The following RBMS3 variants were observed in gnomAD, a reference collection of about 807,000 sequenced individuals.
The protein encoded by RBMS3 is RNA binding motif single stranded interacting protein 3.
A neutral mutation model predicts 66.8 loss-of-function variants in RBMS3; 27 were observed. That is an observed-to-expected ratio of 0.40 (90% CI 0.30 to 0.56). RBMS3 has a LOEUF of 0.56. Among genes scored for constraint, RBMS3 ranks in the 20% least tolerant of loss-of-function variants. The pLI is 0.40. For missense variants in RBMS3, 513 were observed against 549.5 expected (o/e 0.93, Z 0.66); for synonymous variants, 188 against 183.0 (o/e 1.03, Z -0.22).
intron 6 of RBMS3, among the ~76,000 whole-genome samples, chr3:29,824,108 C>A (rs1350321010): frequency 6.6e-6 from 1 of 151,126 alleles, no homozygotes; most frequent in Non-Finnish European, 1.5e-5. Context: ...TGTTTATGTC[C>A]CCCCACCCCC....
chr3:29,554,851 A>G (rs2046292561), intron 3 of RBMS3, among the ~76,000 whole-genome samples: 2 of 152,176 alleles, frequency 1.3e-5, no homozygotes, highest in African/African-American at 4.8e-5. Context: ...CCTCCATACT[A>G]TAAAGAGTTT....
At chr3:29,285,712 A>G (rs1457737009) in intron 1 of RBMS3, among the ~76,000 whole-genome samples, 1 of 152,170 alleles carries the variant, frequency 6.6e-6, no homozygotes, top group Non-Finnish European at 1.5e-5. Flanking sequence ...CGTTGATTTC[A>G]GGCTGAATAT....
chr3:29,680,281 G>C lies in RBMS3; in HGVS notation c.400-59439G>C, dbSNP rs555030352. On this transcript the variant is annotated intron_variant, in intron 4 of 14. Coordinates refer to ENST00000383767, the MANE Select transcript of RBMS3 (RefSeq NM_001003793.3). ...CAAACATGTTTTTATACTTGCATTT[G>C]AGTGATGTTTTGCCTAACAGAAGTG... Among the ~76,000 whole-genome samples, 368 of 152,274 alleles carry C rather than the reference G, an allele frequency of 2.4e-3. 1 individual carries two copies. Among genetic ancestry groups the C allele is most frequent in the African/African-American group, 8.7e-3 (362 of 41,564 alleles).
intron 12 of RBMS3, among the ~76,000 whole-genome samples, chr3:29,965,833 T>C (rs918775158): frequency 1.3e-5 from 2 of 152,196 alleles, no homozygotes; most frequent in African/African-American, 2.4e-5. Flanking sequence ...GTTTTTCCAA[T>C]ATTCTTCCAG....
At chr3:29,994,713 C>T (rs1248949845) in intron 14 of RBMS3, among the ~76,000 whole-genome samples, 13 of 152,172 alleles carry the variant, frequency 8.5e-5, no homozygotes, top group African/African-American at 9.7e-5. Context: ...GCTGAGGATC[C>T]TCTCTGTTAG....
chr3:29,968,873 C>T (rs909004571), intron 12 of RBMS3, among the ~76,000 whole-genome samples: 1 of 152,120 alleles, frequency 6.6e-6, no homozygotes, highest in African/African-American at 2.4e-5. Flanking sequence ...CACCATGATA[C>T]CTGAATGCGT....
chr3:29,782,613 A>C (rs1057476723), intron 6 of RBMS3, among the ~76,000 whole-genome samples: 2 of 152,220 alleles, frequency 1.3e-5, no homozygotes, highest in African/African-American at 4.8e-5. Flanking sequence ...GTAATATGAC[A>C]AAACAAGCTT....
chr3:29,733,364 T>G (rs1296978837), intron 4 of RBMS3, among the ~76,000 whole-genome samples: 4 of 126,196 alleles, frequency 3.2e-5, no homozygotes, highest in Non-Finnish European at 5.1e-5. Context: ...ATATAGTTAT[T>G]TCCTTTTTTT....
intron 14 of RBMS3, among the ~76,000 whole-genome samples, chr3:29,993,295 A>C (rs1419058505): frequency 1.3e-5 from 2 of 149,106 alleles, no homozygotes; most frequent in Non-Finnish European, 2.9e-5. Context: ...CAGTCCAAGC[A>C]TATTGAAATT....
intron 1 of RBMS3, among the ~76,000 whole-genome samples, chr3:29,322,229 A>T (rs1300879959): frequency 6.6e-6 from 1 of 151,938 alleles, no homozygotes; most frequent in Non-Finnish European, 1.5e-5. Flanking sequence ...CTGTATCCCC[A>T]TGAAAAGCCA....
chr3:29,515,893 T>C (rs763731205), intron 3 of RBMS3, among the ~76,000 whole-genome samples: 13 of 152,240 alleles, frequency 8.5e-5, no homozygotes, highest in Non-Finnish European at 1.9e-4. Flanking sequence ...TGGTCGTGGG[T>C]TCTTAATACC....
chr3:29,575,247 G>A (rs1201841722), intron 3 of RBMS3, among the ~76,000 whole-genome samples: 1 of 151,666 alleles, frequency 6.6e-6, no homozygotes, highest in Non-Finnish European at 1.5e-5. Flanking sequence ...CACACTTGAA[G>A]GATATCTTTG....
intron 6 of RBMS3, among the ~76,000 whole-genome samples, chr3:29,772,477 T>C (rs536074165): frequency 6.6e-6 from 1 of 152,174 alleles, no homozygotes; most frequent in South Asian, 2.1e-4. Flanking sequence ...AGAAAAATCA[T>C]ATTCAGTGAT....
chr3:29,477,745 A>G (rs75406723), intron 2 of RBMS3, among the ~76,000 whole-genome samples: 6,364 of 151,970 alleles, frequency 0.042, 308 homozygotes, highest in African/African-American at 0.12. Flanking sequence ...GGTTAGTGAT[A>G]TAGATAATGT....
rs1316233977 is a variant in RBMS3 at position 29,899,751 on chromosome 3, C to A, written c.935C>A (p.Pro312Gln). 1 of 1,609,650 alleles carries A rather than the reference C, an allele frequency of 6.2e-7. No homozygotes were observed. The highest frequency in any genetic ancestry group is 8.5e-7 in the Non-Finnish European group (1 of 1,177,504). ...WMPHPPYVMQ[P>Q]TGAVITPTMD... The stretch of plus-strand genomic sequence containing the variant: ...CCTCATCCGCCATACGTTATGCAAC[C>A]AACAGTAAGTGTTCTCAGTCACCTG... The change falls in exon 10 of 15, where the codon CCA becomes CAA. Residue 312 changes from proline to glutamine, a missense_variant. Transcript: ENST00000383767.
At chr3:29,449,066 TTTCCACATCATTTGTG>T (rs939129700) in intron 2 of RBMS3, among the ~76,000 whole-genome samples, 5 of 152,208 alleles carry the variant, frequency 3.3e-5, no homozygotes, top group African/African-American at 1.2e-4. Flanking sequence ...AGAAAAATTA[TTTCCACATCATTTGTG>T]GATGACACCA....
intron 6 of RBMS3, among the ~76,000 whole-genome samples, chr3:29,798,328 G>GGGAAGGGAAGAGAAGGGAA (rs2057278031): frequency 2.5e-5 from 2 of 79,708 alleles, no homozygotes; most frequent in African/African-American, 1.1e-4. Flanking sequence ...AGGGAAGGGA[G>GGGAAGGGAAGAGAAGGGAA]GGGAGGGGAG....
chr3:29,829,890 A>T (rs750722495), intron 6 of RBMS3, among the ~76,000 whole-genome samples: 1 of 152,068 alleles, frequency 6.6e-6, no homozygotes, highest in Non-Finnish European at 1.5e-5. Context: ...TCATGCATAG[A>T]TCTGTAGCAT....
chr3:29,820,463 G>A (rs545600307), intron 6 of RBMS3, among the ~76,000 whole-genome samples: 13 of 151,642 alleles, frequency 8.6e-5, no homozygotes, highest in Non-Finnish European at 1.6e-4. Flanking sequence ...TAATTTTTCT[G>A]GTACTTCAAT....
Sources: allele counts gnomAD v4.1 joint callset (sites outside exome capture counted in the v4.1 genomes callset), GRCh38; gene constraint gnomAD v4.1.1; transcripts MANE v1.5; gene names NCBI Gene and HGNC (gene_info 2026-07-23, HGNC 2026-07-21).